Variants in ATXN1 observed in about 807,000 individuals in gnomAD.
ATXN1 encodes ataxin 1.
A neutral mutation model predicts 56.4 loss-of-function variants in ATXN1; 8 were observed. The ratio of observed to expected loss-of-function variants is 0.14; its 90% CI spans 0.08 to 0.26. The LOEUF is 0.26. Among genes scored for constraint, ATXN1 ranks in the 10% least tolerant of loss-of-function variants. The pLI is 1.00. For synonymous variants in ATXN1, 514 were observed against 494.6 expected (o/e 1.04, Z -0.52); for missense variants, 987 against 1,106.5 (o/e 0.89, Z 1.53).
At chr6:16,689,017 C>T (rs536560800) in intron 2 of ATXN1, among the ~76,000 whole-genome samples, 1 of 150,812 alleles carries the variant, frequency 6.6e-6, no homozygotes, top group African/African-American at 2.5e-5. Context: ...CATATGTGTA[C>T]GTGTATATGC....
At chr6:16,441,235 C>G (rs1219468727) in intron 6 of ATXN1, among the ~76,000 whole-genome samples, 1 of 152,054 alleles carries the variant, frequency 6.6e-6, no homozygotes, top group Non-Finnish European at 1.5e-5. Context: ...GAATCTAAAT[C>G]GAACATGGCA....
intron 6 of ATXN1, among the ~76,000 whole-genome samples, chr6:16,348,636 A>T (rs1761495167): frequency 6.6e-6 from 1 of 152,156 alleles, no homozygotes; most frequent in African/African-American, 2.4e-5. Flanking sequence ...TGGAGGTTGC[A>T]GCGAACCAAG....
intron 6 of ATXN1, among the ~76,000 whole-genome samples, chr6:16,351,182 A>G (rs1378323239): frequency 6.6e-6 from 1 of 152,012 alleles, no homozygotes; most frequent in East Asian, 1.9e-4. Flanking sequence ...GGTAGAAAAA[A>G]CTTCTCTTAT....
At chr6:16,754,479 A>C (rs147062702) in intron 1 of ATXN1, among the ~76,000 whole-genome samples, 1 of 152,210 alleles carries the variant, frequency 6.6e-6, no homozygotes, top group Non-Finnish European at 1.5e-5. Flanking sequence ...TAAGTGAGCC[A>C]ATTATCCTTG....
At chr6:16,455,011 A>T (rs1759836300) in intron 6 of ATXN1, among the ~76,000 whole-genome samples, 1 of 152,182 alleles carries the variant, frequency 6.6e-6, no homozygotes, top group Non-Finnish European at 1.5e-5. Flanking sequence ...GGAATGCGAG[A>T]GGATATATGA....
At chr6:16,654,628 C>T (rs1486102575) in intron 3 of ATXN1, among the ~76,000 whole-genome samples, 1 of 150,454 alleles carries the variant, frequency 6.6e-6, no homozygotes, top group African/African-American at 2.4e-5. Context: ...TTGTAAGTGA[C>T]AGCCAGGATT....
rs59358244 is a variant in ATXN1, at chr6:16,396,013, C to CAAA, written c.-160-67546_-160-67544dup. ...CTGGTGACAGAGCGAGACTCCGTCTCAAAAAAAAAAAAAAAAAAAAAAAAA... is the reference window on the plus strand; with the variant it reads ...CTGGTGACAGAGCGAGACTCCGTCTCAAAAAAAAAAAAAAAAAAAAAAAAAAAA... On this transcript the variant is annotated intron_variant, in intron 6 of 7. Coordinates refer to ENST00000436367, the MANE Select transcript of ATXN1 (RefSeq NM_001128164.2). 2.9e-3 allele frequency among the ~76,000 whole-genome samples: 121 copies of CAAA among 42,238 alleles called. 9 individuals are homozygous for CAAA. Among genetic ancestry groups the CAAA allele is most frequent in the Non-Finnish European group, 3.5e-3 (82 of 23,522 alleles). 27.7% of individuals were successfully genotyped at this position (42,238 alleles called of 152,430 possible). A position where few individuals can be genotyped will look rare whatever the true frequency, so the allele number is the denominator to read the frequency against.
At chr6:16,535,001 A>C (rs565447095) in intron 4 of ATXN1, among the ~76,000 whole-genome samples, 1 of 152,234 alleles carries the variant, frequency 6.6e-6, no homozygotes. Context: ...CACAGCACCA[A>C]GTCTGACTTG....
chr6:16,729,988 A>C (rs1759932054), intron 2 of ATXN1, among the ~76,000 whole-genome samples: 1 of 152,256 alleles, frequency 6.6e-6, no homozygotes, highest in African/African-American at 2.4e-5. Flanking sequence ...TAAAAAAAGA[A>C]ACTTCAAAAA....
chr6:16,705,864 A>T (rs1485095166), intron 2 of ATXN1, among the ~76,000 whole-genome samples: 1 of 152,120 alleles, frequency 6.6e-6, no homozygotes, highest in Non-Finnish European at 1.5e-5. Flanking sequence ...TGCCAAATGC[A>T]TAGCACTAAC....
intron 3 of ATXN1, among the ~76,000 whole-genome samples, chr6:16,602,586 G>C (rs1418883001): frequency 6.6e-6 from 1 of 151,984 alleles, no homozygotes; most frequent in Non-Finnish European, 1.5e-5. Context: ...CAAGTAGCTG[G>C]GACTACAGGC....
At chr6:16,483,132 C>G (rs1760472776) in intron 6 of ATXN1, among the ~76,000 whole-genome samples, 1 of 152,088 alleles carries the variant, frequency 6.6e-6, no homozygotes, top group Non-Finnish European at 1.5e-5. Context: ...CAAGATCCCC[C>G]CTCCCCCCAG....
chr6:16,609,078 A>G (rs1763060234), intron 3 of ATXN1, among the ~76,000 whole-genome samples: 1 of 152,242 alleles, frequency 6.6e-6, no homozygotes, highest in South Asian at 2.1e-4. Context: ...AGAAAGCATC[A>G]CATAAAAGGC....
intron 2 of ATXN1, among the ~76,000 whole-genome samples, chr6:16,681,617 T>C (rs73367680): frequency 0.014 from 2,141 of 152,326 alleles, 41 homozygotes; most frequent in African/African-American, 0.048. Context: ...TCCGTCTTTT[T>C]TATTCCCATT....
At position 16,306,079 on chromosome 6, in the gene ATXN1, C is replaced by T. The variant is rs555257049; in HGVS notation, c.*250G>A. The T allele has an allele frequency of 1.0e-3, 377 of 375,376 alleles. 2 individuals carry two copies. Among genetic ancestry groups the T allele is most frequent in the African/African-American group, 7.6e-3 (360 of 47,676 alleles). The allele number at this position is 375,376 out of a possible 1,614,324, so 23.3% of individuals were successfully genotyped here. A position where few individuals can be genotyped will look rare whatever the true frequency, so the allele number is the denominator to read the frequency against. ...TGTGAAGCCCCGTTCCTTTCTTCCC[C>T]GGGGATGCCTGGAGCCCTGACCGCT... On this transcript the variant is annotated 3_prime_UTR_variant, in exon 8 of 8. Transcript: ENST00000436367. This position sits in a 1 kb window ranked among gnomAD's most constrained non-coding sequence, Gnocchi z 5.2.
intron 3 of ATXN1, among the ~76,000 whole-genome samples, chr6:16,586,912 A>G (rs171056): frequency 0.79 from 119,623 of 151,788 alleles, 47,480 homozygotes; most frequent in East Asian, 0.87. Context: ...CCAGCTACTC[A>G]GGAAGCTGAG....
intron 6 of ATXN1, among the ~76,000 whole-genome samples, chr6:16,416,093 A>AG (rs1164502178): frequency 7.8e-6 from 1 of 128,960 alleles, no homozygotes; most frequent in African/African-American, 2.5e-5. Context: ...CAAGCTTTCA[A>AG]AAAAAAAAAA....
At chr6:16,635,488 C>CTTCTT (rs1433691297) in intron 3 of ATXN1, among the ~76,000 whole-genome samples, 1 of 152,154 alleles carries the variant, frequency 6.6e-6, no homozygotes, top group Non-Finnish European at 1.5e-5. Context: ...AGAAGGAGCT[C>CTTCTT]TTCTTACACA....
intron 6 of ATXN1, among the ~76,000 whole-genome samples, chr6:16,364,940 G>T (rs1761887850): frequency 6.6e-6 from 1 of 152,214 alleles, no homozygotes; most frequent in Non-Finnish European, 1.5e-5. Context: ...ACAGCTAAAA[G>T]GCAGTTGCTC....
Sources: gnomAD v4.1 joint callset for allele counts (sites outside exome capture counted in the v4.1 genomes callset) on GRCh38, gnomAD v4.1.1 for gene constraint, Gnocchi (gnomAD v3.1) non-coding constraint, MANE v1.5 for transcripts, NCBI Gene and HGNC (gene_info 2026-07-23, HGNC 2026-07-21) for gene names.